Variants in ADAMTSL1 observed in about 807,000 individuals in gnomAD.
The protein encoded by ADAMTSL1 is ADAMTS-like protein 1.
Under a neutral mutation model 201.8 loss-of-function variants are expected in ADAMTSL1, and 126 were observed. The ratio of observed to expected loss-of-function variants is 0.62; its 90% CI spans 0.54 to 0.72. The LOEUF (loss-of-function observed/expected upper bound fraction) is 0.72, where lower values mean the gene tolerates loss of function less well. Among genes scored for constraint, ADAMTSL1 ranks in the 30% least tolerant of loss-of-function variants. The pLI is 0.00. For missense variants in ADAMTSL1, 2,679 were observed against 2,277.8 expected, an observed-to-expected ratio of 1.18 and a Z score of -3.59; for synonymous variants, 1,121 against 903.4, an observed-to-expected ratio of 1.24 and a Z score of -4.32.
At chr9:18,810,914 T>C (rs566475707) in intron 20 of ADAMTSL1, among the ~76,000 whole-genome samples, 1 of 147,842 alleles carries the variant, frequency 6.8e-6, no homozygotes, top group East Asian at 2.0e-4. Context: ...CCAAAGACCT[T>C]GGAAATCAAA....
chr9:18,745,069 TTAA>T (rs1819056013), intron 15 of ADAMTSL1, among the ~76,000 whole-genome samples: 1 of 152,162 alleles, frequency 6.6e-6, no homozygotes. Flanking sequence ...CACTGTAAAA[TTAA>T]TAAATATGTA....
At chr9:18,083,393 A>T (rs1413387143) in intron 1 of ADAMTSL1, among the ~76,000 whole-genome samples, 4 of 152,226 alleles carry the variant, frequency 2.6e-5, no homozygotes, top group Non-Finnish European at 5.9e-5. Context: ...AGTTATCATG[A>T]TAGGAAATCT....
At chr9:18,828,660 T>A (rs868563026) in intron 22 of ADAMTSL1, among the ~76,000 whole-genome samples, 3 of 28,528 alleles carry the variant, frequency 1.1e-4, no homozygotes, top group Non-Finnish European at 1.5e-4. Context: ...GAAAGTATAT[T>A]TATATATATA....
In ADAMTSL1 at chr9:18,177,672, A is replaced by G. The variant is rs117351886; in HGVS notation, c.207+13691A>G. On this transcript the variant is annotated intron_variant, in intron 2 of 29. Coordinates refer to the ADAMTSL1 transcript ENST00000680146. ...ACACCTATATTCCAGCCAGTGAGAA[A>G]GAGGAAAGGACAAATGGAGGAACGG... Among the ~76,000 whole-genome samples, 7 of 152,340 alleles carry G rather than the reference A, an allele frequency of 4.6e-5. No individual in the cohort carries two copies. The East Asian group carries it at 1.4e-3, about 29-fold the overall frequency.
intron 2 of ADAMTSL1, among the ~76,000 whole-genome samples, chr9:18,312,408 C>T (rs1162784154): frequency 2.0e-5 from 3 of 152,142 alleles, no homozygotes; most frequent in Admixed American, 6.5e-5. Flanking sequence ...TCTAAGAGGA[C>T]TTAAAAAGGA....
chr9:18,413,954 A>C (rs1253237762), intron 2 of ADAMTSL1, among the ~76,000 whole-genome samples: 3 of 152,210 alleles, frequency 2.0e-5, no homozygotes, highest in South Asian at 4.1e-4. Flanking sequence ...TGAACTACTA[A>C]ATCTTTAGGA....
chr9:18,600,853 A>G (rs59810612), intron 4 of ADAMTSL1, among the ~76,000 whole-genome samples: 3,049 of 152,338 alleles, frequency 0.02, 51 homozygotes, highest in East Asian at 0.086. Flanking sequence ...TTTCAAAAGA[A>G]AAAGAATAAA....
At chr9:18,352,060 A>G (rs1835988848) in intron 2 of ADAMTSL1, among the ~76,000 whole-genome samples, 1 of 152,066 alleles carries the variant, frequency 6.6e-6, no homozygotes. Context: ...AGGGTTTAAC[A>G]AACTTTTTTT....
intron 1 of ADAMTSL1, among the ~76,000 whole-genome samples, chr9:17,978,038 TA>T (rs1395852976): frequency 2.0e-5 from 3 of 152,006 alleles, no homozygotes; most frequent in Admixed American, 6.6e-5. Flanking sequence ...TTGACCCCTT[TA>T]AAAAAATTAT....
intron 13 of ADAMTSL1, among the ~76,000 whole-genome samples, chr9:18,696,304 C>T (rs532681858): frequency 3.9e-5 from 6 of 152,272 alleles, no homozygotes; most frequent in East Asian, 1.9e-4. Context: ...GGGTGCAACC[C>T]GCCCATGCCA....
At chr9:18,760,384 T>C (rs1467518824) in intron 16 of ADAMTSL1, among the ~76,000 whole-genome samples, 1 of 152,180 alleles carries the variant, frequency 6.6e-6, no homozygotes, top group African/African-American at 2.4e-5. Flanking sequence ...CAACTTGGTA[T>C]TGATGATTCT....
In ADAMTSL1 at chr9:18,392,104, A is replaced by G. The variant is rs796732086; in HGVS notation, c.208-112725A>G. 1.3e-3 allele frequency among the ~76,000 whole-genome samples: 203 copies of G among 152,182 alleles called. 1 individual carries two copies. The highest frequency in any genetic ancestry group is 4.1e-3 in the African/African-American group (169 of 41,524). On this transcript the variant is annotated intron_variant, in intron 2 of 29. Transcript: ENST00000680146. ...CTCCCAAAGTGCTGGGATTACAGGC[A>G]TGAGTCACTGCGACTGGCCCTGAAT...
intron 1 of ADAMTSL1, among the ~76,000 whole-genome samples, chr9:18,016,496 TC>T (rs1390079951): frequency 6.6e-6 from 1 of 151,928 alleles, no homozygotes; most frequent in African/African-American, 2.4e-5. Context: ...GTAAATATTT[TC>T]CCCAACATTT....
intron 2 of ADAMTSL1, among the ~76,000 whole-genome samples, chr9:18,274,001 C>A (rs1427323763): frequency 6.6e-6 from 1 of 152,154 alleles, no homozygotes; most frequent in Non-Finnish European, 1.5e-5. Context: ...TGCATACATA[C>A]AAATCATAAT....
At position 18,706,111 on chromosome 9, in the gene ADAMTSL1, TGCTAAACTAGGGGTA is replaced by T. The variant is rs1462293685; in HGVS notation, c.1575-634_1575-620del. ...TTTTTATGGTTATTTCTTGATCATA[TGCTAAACTAGGGGTA>T]GATTATTCATGAGTTTTCCAGGAAA... On this transcript the variant is annotated intron_variant, in intron 13 of 28. Coordinates refer to ENST00000380548, the MANE Select transcript of ADAMTSL1 (RefSeq NM_001040272.6). 3.9e-5 allele frequency among the ~76,000 whole-genome samples: 6 copies of T among 152,314 alleles called. No homozygotes were observed. In the East Asian group the frequency reaches 1.2e-3, roughly 29 times the overall value.
At chr9:18,761,442 T>C (rs563788436) in intron 16 of ADAMTSL1, among the ~76,000 whole-genome samples, 2 of 152,344 alleles carry the variant, frequency 1.3e-5, no homozygotes, top group African/African-American at 4.8e-5. Context: ...TCATGAAACG[T>C]GTATGGCAGC....
chr9:18,760,598 C>T (rs1820020454), intron 16 of ADAMTSL1, among the ~76,000 whole-genome samples: 1 of 152,168 alleles, frequency 6.6e-6, no homozygotes, highest in Non-Finnish European at 1.5e-5. Flanking sequence ...TCATTTTCTA[C>T]AAATTGGATC....
At chr9:18,152,774 CA>C (rs920008309) in intron 1 of ADAMTSL1, among the ~76,000 whole-genome samples, 3 of 148,882 alleles carry the variant, frequency 2.0e-5, no homozygotes, top group Admixed American at 1.3e-4. Context: ...AGCAAGAATG[CA>C]AAAAAAAAGA....
chr9:18,491,485 A>G (rs755826185), intron 1 of ADAMTSL1, among the ~76,000 whole-genome samples: 2 of 152,230 alleles, frequency 1.3e-5, no homozygotes, highest in Non-Finnish European at 2.9e-5. Flanking sequence ...TAAGCTTTAT[A>G]AACTCTCAAA....
Sources: gnomAD v4.1 joint callset for allele counts (sites outside exome capture counted in the v4.1 genomes callset) on GRCh38, gnomAD v4.1.1 for gene constraint, MANE v1.5 for transcripts, NCBI Gene and HGNC (gene_info 2026-07-23, HGNC 2026-07-21) for gene names.